The following NOS1 variants were observed in gnomAD, a reference collection of about 807,000 sequenced individuals.
NOS1 encodes NOS type I.
In NOS1, 51 loss-of-function variants were observed where a neutral mutation model predicts 164.5. The ratio of observed to expected loss-of-function variants is 0.31; its 90% confidence interval spans 0.25 to 0.39. The LOEUF (loss-of-function observed/expected upper bound fraction) is 0.39. NOS1 is among the 10% of genes least tolerant of loss of function. The probability of loss-of-function intolerance (pLI) is 1.00; values close to 1 mark genes in which losing one functional copy is unlikely to be tolerated. For missense variants in NOS1, 1,362 were observed against 1,885.6 expected (o/e 0.72, Z 5.14); for synonymous variants, 719 against 745.8 (o/e 0.96, Z 0.59).
chr12:117,272,733 A>C lies in NOS1; in HGVS notation c.1665-174T>G, dbSNP rs1434295760. Among the ~76,000 whole-genome samples, 1 of 152,156 alleles carries C rather than the reference A, an allele frequency of 6.6e-6. No individual in the cohort carries two copies. The highest frequency in any genetic ancestry group is 1.5e-5 in the Non-Finnish European group (1 of 68,020). On this transcript the variant is annotated intron_variant, in intron 9 of 28. Transcript: ENST00000317775. The surrounding 1 kb of genome is among the most constrained non-coding windows in gnomAD (Gnocchi z 4.3). ...TGCAGGTTCTGCAGCTGGGGGCCTG[A>C]GAATGTGCATTTTTAACGTATTTCT...
At chr12:117,269,464 G>GTTTTTTT (rs1164630635) in intron 10 of NOS1, among the ~76,000 whole-genome samples, 20 of 118,388 alleles carry the variant, frequency 1.7e-4, no homozygotes, top group African/African-American at 5.5e-4. Flanking sequence ...CTGGAGATTT[G>GTTTTTTT]TTTTTTTTTT....
At chr12:117,346,828 C>T (rs1156784524) in intron 1 of NOS1, among the ~76,000 whole-genome samples, 1 of 152,234 alleles carries the variant, frequency 6.6e-6, no homozygotes. Context: ...TCAACTCAAA[C>T]TATCACCTGT....
rs534343803 is a variant in NOS1 at position 117,328,643 on chromosome 12, C to CA, written c.725+1701dup. ...GTAGTGGCGCAATCTCAGCTCACTG[C>CA]AACCTCTGCCTCCCGGGTCCAAGTG... On this transcript the variant is annotated intron_variant, in intron 2 of 28. Coordinates refer to ENST00000317775, the MANE Select transcript of NOS1 (RefSeq NM_000620.5). 2.4e-3 allele frequency among the ~76,000 whole-genome samples: 361 copies of CA among 152,272 alleles called. 2 individuals carry two copies. Among genetic ancestry groups the CA allele is most frequent in the African/African-American group, 8.2e-3 (340 of 41,556 alleles).
intron 3 of NOS1, among the ~76,000 whole-genome samples, chr12:117,299,640 AAAAAAAAAAG>A (rs1379182263): frequency 8.9e-5 from 13 of 145,608 alleles, no homozygotes; most frequent in South Asian, 2.1e-4. Flanking sequence ...GTCTCCAAAA[AAAAAAAAAAG>A]AAAAAAAGAA....
At chr12:117,346,282 C>G (rs1278775159) in intron 1 of NOS1, among the ~76,000 whole-genome samples, 1 of 152,142 alleles carries the variant, frequency 6.6e-6, no homozygotes, top group African/African-American at 2.4e-5. Flanking sequence ...ACCAGTCTGG[C>G]CAACATGGTG....
chr12:117,230,764 C>A (rs552134149), intron 22 of NOS1, among the ~76,000 whole-genome samples: 2 of 152,254 alleles, frequency 1.3e-5, no homozygotes, highest in South Asian at 4.1e-4. Context: ...TCTAATAGTC[C>A]CCCCTGCAGC....
At chr12:117,298,531 C>T (rs1209229481) in intron 3 of NOS1, among the ~76,000 whole-genome samples, 4 of 152,174 alleles carry the variant, frequency 2.6e-5, no homozygotes, top group African/African-American at 9.7e-5. Context: ...ATGTCCTAAA[C>T]TGCCTCAGAA....
rs2135913095 is a variant in NOS1 at position 117,214,080 on chromosome 12, C to T, written c.*1229G>A. 1 of 985,394 alleles carries T rather than the reference C, an allele frequency of 1.0e-6. No individual in the cohort carries two copies. The highest frequency in any genetic ancestry group is 4.7e-5 in the South Asian group (1 of 21,288). The allele number at this position is 985,394 out of a possible 1,614,324, so 61.0% of individuals were successfully genotyped here. On this transcript the variant is annotated 3_prime_UTR_variant, in exon 29 of 29. Transcript: ENST00000317775. ...GTTCTTCCCACCCCAAGTTGTGGCT[C>T]CTATCGAAGAAGCCACGTGGGACCT...
chr12:117,285,564 G>A (rs866766060), intron 6 of NOS1, among the ~76,000 whole-genome samples: 10 of 150,768 alleles, frequency 6.6e-5, no homozygotes, highest in Admixed American at 1.3e-4. Context: ...AAGTAGGCAC[G>A]GCATGAAAGT....
At chr12:117,221,166 A>ATTTAT (rs1956699256) in intron 26 of NOS1, among the ~76,000 whole-genome samples, 1 of 147,126 alleles carries the variant, frequency 6.8e-6, no homozygotes, top group African/African-American at 2.6e-5. Flanking sequence ...TTATTTATTT[A>ATTTAT]TTTTTGAGAC....
At position 117,303,608 on chromosome 12, in the gene NOS1, G is replaced by A. The variant is rs181358794; in HGVS notation, c.852+7858C>T. On this transcript the variant is annotated intron_variant, in intron 3 of 28. Coordinates refer to ENST00000317775, the MANE Select transcript of NOS1 (RefSeq NM_000620.5). ...AACACCACTTCCCAGGTCCGGCCCCGTCCCCACTCGAACCTCGTACTAAGG... is the reference window on the plus strand; with the variant it reads ...AACACCACTTCCCAGGTCCGGCCCCATCCCCACTCGAACCTCGTACTAAGG... Among the ~76,000 whole-genome samples the A allele has an allele frequency of 1.0e-3, 153 of 152,212 alleles. 1 individual carries two copies. Among genetic ancestry groups the A allele is most frequent in the African/African-American group, 3.3e-3 (138 of 41,550 alleles).
rs1007484408 is a variant in NOS1 at position 117,211,796 on chromosome 12, T to C, written c.*3513A>G. On this transcript the variant is annotated 3_prime_UTR_variant, in exon 29 of 29. Coordinates refer to ENST00000317775, the MANE Select transcript of NOS1 (RefSeq NM_000620.5). ...GATTATAACCTTTGGCTGGGCGTGGTGGCTCATGCCTGTAATCCAGCACTT... is the reference window on the plus strand; with the variant it reads ...GATTATAACCTTTGGCTGGGCGTGGCGGCTCATGCCTGTAATCCAGCACTT... 5 of 985,474 alleles carry C rather than the reference T, an allele frequency of 5.1e-6. No homozygotes were observed. Among genetic ancestry groups the C allele is most frequent in the African/African-American group, 3.5e-5 (2 of 57,370 alleles). 61.0% of individuals were successfully genotyped at this position (985,474 alleles called of 1,614,324 possible).
At chr12:117,250,031 C>G (rs1423436533) in intron 17 of NOS1, among the ~76,000 whole-genome samples, 1 of 152,124 alleles carries the variant, frequency 6.6e-6, no homozygotes, top group Admixed American at 6.5e-5. Flanking sequence ...AGGATCAGGC[C>G]CTGCCCCTGA....
chr12:117,349,377 G>A (rs1876509506), intron 1 of NOS1, among the ~76,000 whole-genome samples: 1 of 152,250 alleles, frequency 6.6e-6, no homozygotes, highest in Non-Finnish European at 1.5e-5. Context: ...TCCATTGACA[G>A]ACATCTGGGT....
chr12:117,308,519 C>A (rs1874264455), intron 3 of NOS1, among the ~76,000 whole-genome samples: 1 of 150,270 alleles, frequency 6.7e-6, no homozygotes, highest in African/African-American at 2.5e-5. Context: ...GACTGGAAGA[C>A]AGAGCAAGAC....
At chr12:117,270,407 A>C (rs1872707238) in intron 10 of NOS1, among the ~76,000 whole-genome samples, 1 of 152,090 alleles carries the variant, frequency 6.6e-6, no homozygotes, top group Non-Finnish European at 1.5e-5. Context: ...ATCAGAGAGC[A>C]GACTTATTAA....
At chr12:117,219,805 T>C (rs9658535) in intron 27 of NOS1, among the ~76,000 whole-genome samples, 9,057 of 152,214 alleles carry the variant, frequency 0.06, 743 homozygotes, top group East Asian at 0.18. Context: ...GAATGGTTTC[T>C]GTCTAGCTAC....
intron 2 of NOS1, among the ~76,000 whole-genome samples, chr12:117,316,809 G>A (rs1234835609): frequency 6.6e-6 from 1 of 152,158 alleles, no homozygotes; most frequent in Non-Finnish European, 1.5e-5. Flanking sequence ...GATGTTAGAT[G>A]TTCTCTCCAA....
At chr12:117,246,891 TAGTTTA>T (rs1415586995) in intron 18 of NOS1, among the ~76,000 whole-genome samples, 18 of 152,206 alleles carry the variant, frequency 1.2e-4, no homozygotes, top group Non-Finnish European at 2.6e-4. Flanking sequence ...GAATTTTAAT[TAGTTTA>T]AGTTTAAATT....
Sources: gnomAD v4.1 joint callset for allele counts (sites outside exome capture counted in the v4.1 genomes callset) on GRCh38, gnomAD v4.1.1 for gene constraint, Gnocchi (gnomAD v3.1) non-coding constraint, MANE v1.5 for transcripts, NCBI Gene and HGNC (gene_info 2026-07-23, HGNC 2026-07-21) for gene names.